Variants in TACR1 observed in about 807,000 individuals in gnomAD.
TACR1 encodes the protein tachykinin receptor 1, also known as substance-P receptor.
A neutral mutation model predicts 35.8 loss-of-function variants in TACR1; 25 were observed. That is an observed-to-expected ratio of 0.70 (90% confidence interval 0.51 to 0.98). The LOEUF (loss-of-function observed/expected upper bound fraction) is 0.98. TACR1 is among the 50% of genes least tolerant of loss of function. The pLI is 0.00. For synonymous variants in TACR1, 195 were observed against 206.7 expected (o/e 0.94, Z 0.48); for missense variants, 478 against 522.9 (o/e 0.91, Z 0.84).
At chr2:75,066,839 A>G (rs1197626840) in intron 2 of TACR1, among the ~76,000 whole-genome samples, 1 of 152,210 alleles carries the variant, frequency 6.6e-6, no homozygotes, top group African/African-American at 2.4e-5. Flanking sequence ...ACATTAATCA[A>G]TTTGAAGTCT....
chr2:75,105,234 C>T (rs1673615395), intron 2 of TACR1, among the ~76,000 whole-genome samples: 1 of 151,976 alleles, frequency 6.6e-6, no homozygotes, highest in Admixed American at 6.6e-5. Context: ...TGTGTGACAA[C>T]ATGGATGAAC....
intron 2 of TACR1, among the ~76,000 whole-genome samples, chr2:75,094,859 A>ATATATATATATATATTTTTTTTT: frequency 8.8e-6 from 1 of 113,130 alleles, no homozygotes; most frequent in African/African-American, 4.8e-5. Context: ...ATATATATAT[A>ATATATATATATATATTTTTTTTT]TTTTTTTTTT....
chr2:75,147,037 A>T (rs1162190755), intron 1 of TACR1, among the ~76,000 whole-genome samples: 1 of 152,346 alleles, frequency 6.6e-6, no homozygotes, highest in African/African-American at 2.4e-5. Context: ...AAGTCAACTG[A>T]TCTGAAATGT....
intron 2 of TACR1, among the ~76,000 whole-genome samples, chr2:75,055,730 C>G (rs540828417): frequency 1.3e-5 from 2 of 152,282 alleles, no homozygotes; most frequent in Admixed American, 1.3e-4. Flanking sequence ...CGCCGATACT[C>G]CTTACCCTGG....
rs74860660 is a variant in TACR1 at position 75,181,554 on chromosome 2, G to C, written c.389+16992C>G. Among the ~76,000 whole-genome samples the C allele has an allele frequency of 6.2e-3, 941 of 152,210 alleles. 22 individuals are homozygous for C. The highest frequency in any genetic ancestry group is 0.041 in the Admixed American group (629 of 15,294). On this transcript the variant is annotated intron_variant, in intron 1 of 4. Coordinates refer to ENST00000305249, the MANE Select transcript of TACR1 (RefSeq NM_001058.4). Reference sequence around the variant, plus strand: ...ATGTCACTCATTCATTTGCTCTTCTGAGTATGAAATAAACGATGAATTCAT... The same window carrying C: ...ATGTCACTCATTCATTTGCTCTTCTCAGTATGAAATAAACGATGAATTCAT...
At chr2:75,126,693 G>A (rs1454004081) in intron 1 of TACR1, among the ~76,000 whole-genome samples, 4 of 152,150 alleles carry the variant, frequency 2.6e-5, no homozygotes, top group African/African-American at 9.7e-5. Context: ...ACTATCAACA[G>A]AGCATACAGA....
At position 75,166,222 on chromosome 2, in the gene TACR1, G is replaced by T. The variant is rs1186202492; in HGVS notation, c.389+32324C>A. ...AGAAAAACGTGGTCATCTGGAGACA[G>T]ACTAGAAATTGATTCAGTAAAATTC... On this transcript the variant is annotated intron_variant, in intron 1 of 4. Transcript: ENST00000305249. Among the ~76,000 whole-genome samples, 4 of 152,308 alleles carry T rather than the reference G, an allele frequency of 2.6e-5. No individual in the cohort carries two copies. In the East Asian group the frequency reaches 7.7e-4, roughly 29 times the overall value.
At chr2:75,089,956 A>AAG (rs2103851011) in intron 2 of TACR1, among the ~76,000 whole-genome samples, 1 of 152,266 alleles carries the variant, frequency 6.6e-6, no homozygotes, top group East Asian at 1.9e-4. Context: ...TACCATCTTA[A>AAG]TCTTCATCAA....
At chr2:75,088,991 T>G (rs114154660) in intron 2 of TACR1, among the ~76,000 whole-genome samples, 459 of 152,296 alleles carry the variant, frequency 3.0e-3, no homozygotes, top group Non-Finnish European at 5.2e-3. Context: ...TCAAGCTCTC[T>G]TGGGATGCAT....
intron 2 of TACR1, among the ~76,000 whole-genome samples, chr2:75,065,709 T>G (rs961022272): frequency 5.3e-5 from 8 of 152,176 alleles, no homozygotes; most frequent in African/African-American, 1.9e-4. Flanking sequence ...AATCAGCTTA[T>G]TTTTGGTGGG....
intron 1 of TACR1, among the ~76,000 whole-genome samples, chr2:75,171,125 C>T (rs1276707594): frequency 1.3e-5 from 2 of 152,182 alleles, no homozygotes; most frequent in East Asian, 3.9e-4. Context: ...AACCAGGAAA[C>T]CTAGGAGGAA....
chr2:75,164,550 AG>A (rs1435857761), intron 1 of TACR1, among the ~76,000 whole-genome samples: 1 of 152,208 alleles, frequency 6.6e-6, no homozygotes, highest in Non-Finnish European at 1.5e-5. Flanking sequence ...TAATCTAAAA[AG>A]GACAATAGTC....
At chr2:75,141,857 T>G (rs1267940567) in intron 1 of TACR1, among the ~76,000 whole-genome samples, 1 of 152,212 alleles carries the variant, frequency 6.6e-6, no homozygotes, top group Non-Finnish European at 1.5e-5. Context: ...TCTGGTTTCC[T>G]GAAGCTTCAT....
chr2:75,124,105 A>C (rs1674025851), intron 1 of TACR1, among the ~76,000 whole-genome samples: 2 of 152,196 alleles, frequency 1.3e-5, no homozygotes, highest in African/African-American at 4.8e-5. Flanking sequence ...GATATGGATT[A>C]TGTTCTTTAC....
intron 1 of TACR1, among the ~76,000 whole-genome samples, chr2:75,127,418 T>A (rs1295700083): frequency 6.6e-6 from 1 of 152,212 alleles, no homozygotes; most frequent in Non-Finnish European, 1.5e-5. Context: ...CTTCGCATCC[T>A]CACTGCTATG....
In TACR1 at chr2:75,154,401, A is replaced by AGCGCACTCGCGCGC. The variant is rs1553380900; in HGVS notation, c.390-33634_390-33633insGCGCGCGAGTGCGC. On this transcript the variant is annotated intron_variant, in intron 1 of 4. Transcript: ENST00000305249. ...TGGCCCAGGGAGATAATCAGCCAAG[A>AGCGCACTCGCGCGC]GCGCGCACGCACACACACACACACA... 5.4e-3 allele frequency: 415 copies of AGCGCACTCGCGCGC among 76,494 alleles called. 21 individuals carry two copies. Among genetic ancestry groups the AGCGCACTCGCGCGC allele is most frequent in the Middle Eastern group, 0.015 (2 of 136 alleles). 4.7% of individuals were successfully genotyped at this position (76,494 alleles called of 1,614,324 possible).
intron 2 of TACR1, among the ~76,000 whole-genome samples, chr2:75,099,637 C>T (rs961841580): frequency 3.3e-5 from 5 of 152,158 alleles, no homozygotes; most frequent in Admixed American, 6.6e-5. Context: ...GAGGTTTGCG[C>T]GGCCAGGTTG....
intron 2 of TACR1, among the ~76,000 whole-genome samples, chr2:75,094,859 A>G (rs12471759): frequency 8.8e-6 from 1 of 113,134 alleles, no homozygotes. Flanking sequence ...ATATATATAT[A>G]TTTTTTTTTT....
At chr2:75,190,166 C>T (rs1397339530) in intron 1 of TACR1, among the ~76,000 whole-genome samples, 2 of 152,268 alleles carry the variant, frequency 1.3e-5, no homozygotes, top group East Asian at 1.9e-4. Context: ...TTAAAACTCA[C>T]GCAGCTATAA....
Sources: allele counts gnomAD v4.1 joint callset (sites outside exome capture counted in the v4.1 genomes callset), GRCh38; gene constraint gnomAD v4.1.1; transcripts MANE v1.5; gene names NCBI Gene and HGNC (gene_info 2026-07-23, HGNC 2026-07-21).